LOC400499: variants seen among roughly 807,000 people sequenced by gnomAD.
the LOC400499 span, among the ~76,000 whole-genome samples, chr16:11,387,955 G>A: frequency 6.6e-5 from 10 of 152,138 alleles, no homozygotes; most frequent in Non-Finnish European, 1.5e-4. Flanking sequence ...CAGTTTAGGG[G>A]AGGACTGGAA....
chr16:11,403,559 A>C, the LOC400499 span, among the ~76,000 whole-genome samples: 1 of 152,174 alleles, frequency 6.6e-6, no homozygotes, highest in Non-Finnish European at 1.5e-5. Context: ...TCTGCCTTCC[A>C]GGGCACACAT....
chr16:11,425,688 A>G, the LOC400499 span, among the ~76,000 whole-genome samples: 1 of 152,212 alleles, frequency 6.6e-6, no homozygotes, highest in Non-Finnish European at 1.5e-5. Context: ...ATATAGAGCT[A>G]TACGTTTATA....
chr16:11,452,922 T>C, the LOC400499 span, among the ~76,000 whole-genome samples: 1 of 152,246 alleles, frequency 6.6e-6, no homozygotes, highest in African/African-American at 2.4e-5. Flanking sequence ...AATTAACTGG[T>C]CCGATGAGTT....
the LOC400499 span, among the ~76,000 whole-genome samples, chr16:11,488,533 C>A: frequency 6.6e-6 from 1 of 152,144 alleles, no homozygotes; most frequent in Non-Finnish European, 1.5e-5. Flanking sequence ...AATCCTCCTG[C>A]CTCAGCCTCC....
At chr16:11,421,914 C>T in the LOC400499 span, among the ~76,000 whole-genome samples, 31 of 152,144 alleles carry the variant, frequency 2.0e-4, no homozygotes, top group African/African-American at 6.5e-4. Context: ...TACTTTAAAA[C>T]GGTTTTACAT....
At chr16:11,521,125 G>A in the LOC400499 span, among the ~76,000 whole-genome samples, 1 of 152,296 alleles carries the variant, frequency 6.6e-6, no homozygotes, top group South Asian at 2.1e-4. Context: ...AGAATTCAGA[G>A]GCAGCTCAGG....
At chr16:11,464,953 C>G in the LOC400499 span, among the ~76,000 whole-genome samples, 1 of 152,200 alleles carries the variant, frequency 6.6e-6, no homozygotes, top group Non-Finnish European at 1.5e-5. Context: ...GAAGACAGCT[C>G]TCCCCTGACA....
chr16:11,521,932 G>A, the LOC400499 span: 65 of 399,010 alleles, frequency 1.6e-4, no homozygotes, highest in East Asian at 7.8e-4. Context: ...GTGATCTCCC[G>A]GTTGCCCAAA....
the LOC400499 span, among the ~76,000 whole-genome samples, chr16:11,493,212 G>A: frequency 6.6e-6 from 1 of 152,230 alleles, no homozygotes; most frequent in Non-Finnish European, 1.5e-5. Flanking sequence ...TTTCTGTAAA[G>A]GGACAGAGAA....
chr16:11,393,377 C>A, the LOC400499 span: 2 of 1,232,180 alleles, frequency 1.6e-6, no homozygotes, highest in Non-Finnish European at 2.0e-6. Flanking sequence ...AGCTGGGACC[C>A]AGCTGCCACT....
chr16:11,526,632 T>C, the LOC400499 span, among the ~76,000 whole-genome samples: 10 of 152,230 alleles, frequency 6.6e-5, no homozygotes, highest in African/African-American at 2.4e-4. Flanking sequence ...ATTGGATATA[T>C]TGGGTTAAGT....
At chr16:11,509,044 A>G in the LOC400499 span, among the ~76,000 whole-genome samples, 1 of 151,910 alleles carries the variant, frequency 6.6e-6, no homozygotes, top group Non-Finnish European at 1.5e-5. Context: ...GGAAGCACCT[A>G]TGTACCCACC....
At chr16:11,423,733 G>A in the LOC400499 span, among the ~76,000 whole-genome samples, 9 of 152,332 alleles carry the variant, frequency 5.9e-5, no homozygotes, top group Non-Finnish European at 7.4e-5. Flanking sequence ...GGACAGCTGC[G>A]GGTGTGAGGC....
At chr16:11,462,261 G>A in the LOC400499 span, 257 of 1,522,028 alleles carry the variant, frequency 1.7e-4, no homozygotes, top group African/African-American at 1.1e-3. Context: ...GCCTGGAACC[G>A]CTCAGCCTCG....
At chr16:11,392,335 GC>G in the LOC400499 span, 2 of 398,858 alleles carry the variant, frequency 5.0e-6, no homozygotes, top group African/African-American at 2.1e-5. Context: ...GGCCCAGCAG[GC>G]CCCCCTGGCA....
the LOC400499 span, among the ~76,000 whole-genome samples, chr16:11,464,602 C>T: frequency 2.6e-5 from 4 of 152,310 alleles, no homozygotes; most frequent in East Asian, 1.9e-4. Context: ...TCTGGGACTT[C>T]GTATTCATGA....
chr16:11,424,374 G>A, the LOC400499 span: 1 of 399,516 alleles, frequency 2.5e-6, no homozygotes, highest in Non-Finnish European at 4.4e-6. Flanking sequence ...GGCAGGAGTG[G>A]GCAGAGCCCC....
the LOC400499 span, among the ~76,000 whole-genome samples, chr16:11,406,482 C>G: frequency 0.9 from 137,656 of 152,276 alleles, 63,087 homozygotes; most frequent in Non-Finnish European, 0.98. Flanking sequence ...ACCCAGGCCG[C>G]AGTGCAACGG....
chr16:11,520,215 G>T, the LOC400499 span, among the ~76,000 whole-genome samples: 405 of 152,266 alleles, frequency 2.7e-3, 2 homozygotes, highest in African/African-American at 9.1e-3. Flanking sequence ...CTGAATCATA[G>T]ACTTAAGATG....
Sources: allele counts gnomAD v4.1 joint callset (sites outside exome capture counted in the v4.1 genomes callset), GRCh38; gene constraint gnomAD v4.1.1; transcripts MANE v1.5.